GLB1: variants seen among roughly 807,000 people sequenced by gnomAD.
GLB1 encodes beta-galactosidase.
GLB1 carries 56 observed loss-of-function variants against 74.0 expected under a neutral mutation model. The observed-to-expected ratio is 0.76, with a 90% confidence interval of 0.61 to 0.94. GLB1 has a LOEUF of 0.94. Ranked by LOEUF, GLB1 falls within the 40% of genes least tolerant of loss-of-function variation. The probability of loss-of-function intolerance (pLI) is 0.00; values close to 1 mark genes in which losing one functional copy is unlikely to be tolerated. For synonymous variants in GLB1, 323 were observed against 323.6 expected (o/e 1.00, Z 0.02); for missense variants, 787 against 845.5 (o/e 0.93, Z 0.86).
intron 5 of GLB1, among the ~76,000 whole-genome samples, chr3:33,060,023 G>A (rs1699380625): frequency 6.6e-6 from 1 of 152,130 alleles, no homozygotes; most frequent in Non-Finnish European, 1.5e-5. Context: ...ACTTGGGAAG[G>A]GAATGGGTAG....
At chr3:33,046,036 C>A (rs888002438) in intron 10 of GLB1, 84 bp downstream of exon 10, 13 of 1,507,308 alleles carry the variant, frequency 8.6e-6, no homozygotes, top group Non-Finnish European at 1.2e-5. Context: ...GGGCTCCAGG[C>A]AGGAAGTTGT....
At chr3:33,066,010 C>A (rs1376256663) in intron 4 of GLB1, among the ~76,000 whole-genome samples, 1 of 150,152 alleles carries the variant, frequency 6.7e-6, no homozygotes, top group African/African-American at 2.4e-5. Context: ...TACAAAGAGA[C>A]ACCAGTGCAG....
the GLB1 span, among the ~76,000 whole-genome samples, chr3:32,980,726 AGCCAAGATCAT>A: frequency 6.6e-6 from 1 of 152,088 alleles, no homozygotes; most frequent in African/African-American, 2.4e-5. Flanking sequence ...GGTTGCAGTG[AGCCAAGATCAT>A]GCCACTGCAC....
chr3:33,077,497 G>T, intron 1 of GLB1: 1 of 724,632 alleles, frequency 1.4e-6, no homozygotes, highest in South Asian at 1.7e-5. Context: ...ACTAAAAAGG[G>T]AACCTCCCAC....
At chr3:32,969,023 GC>G in the GLB1 span, among the ~76,000 whole-genome samples, 1 of 152,204 alleles carries the variant, frequency 6.6e-6, no homozygotes, top group African/African-American at 2.4e-5. Context: ...GTCCCAGGAG[GC>G]CCCCTTCATT....
At chr3:32,975,732 A>T in the GLB1 span, among the ~76,000 whole-genome samples, 1 of 152,128 alleles carries the variant, frequency 6.6e-6, no homozygotes, top group Non-Finnish European at 1.5e-5. Context: ...AACAGTGAAC[A>T]AGATCAACAA....
the GLB1 span, among the ~76,000 whole-genome samples, chr3:32,978,196 C>T: frequency 6.6e-6 from 1 of 152,142 alleles, no homozygotes; most frequent in Non-Finnish European, 1.5e-5. Flanking sequence ...ACTGTCTTAA[C>T]GTCCACAGTT....
intron 5 of GLB1, 43 bp from the exon 6 acceptor site, chr3:33,058,312 T>C (rs768841137): frequency 5.6e-6 from 9 of 1,612,338 alleles, no homozygotes; most frequent in South Asian, 1.1e-5. Context: ...GAGATCCTAA[T>C]GTAGCCACCC....
intron 11 of GLB1, among the ~76,000 whole-genome samples, chr3:33,023,380 A>C (rs1159708102): frequency 6.6e-6 from 1 of 152,212 alleles, no homozygotes; most frequent in African/African-American, 2.4e-5. Flanking sequence ...TCTTTGTAGA[A>C]TGTAGCACAG....
chr3:32,973,271 C>T, the GLB1 span, among the ~76,000 whole-genome samples: 67 of 152,242 alleles, frequency 4.4e-4, no homozygotes, highest in African/African-American at 1.5e-3. Context: ...TGGAAATTCT[C>T]TATCTTATTG....
chr3:33,081,392 T>C (rs945140859), intron 1 of GLB1, among the ~76,000 whole-genome samples: 5 of 152,164 alleles, frequency 3.3e-5, no homozygotes, highest in Non-Finnish European at 7.4e-5. Flanking sequence ...CCTTGGAACC[T>C]AGACATGACG....
At chr3:33,033,902 GA>G in intron 10 of GLB1, 1 of 537,042 alleles carries the variant, frequency 1.9e-6, no homozygotes, top group Non-Finnish European at 3.8e-6. Context: ...CTCCCATAAG[GA>G]TATGATTTAT....
At chr3:32,963,214 G>A in the GLB1 span, among the ~76,000 whole-genome samples, 3 of 152,042 alleles carry the variant, frequency 2.0e-5, no homozygotes, top group South Asian at 4.1e-4. Flanking sequence ...TCAGAAGTGG[G>A]CCAAATGTAT....
At chr3:33,096,814 G>A (rs1339783742) in intron 1 of GLB1, 197 bp downstream of exon 1, 4 of 1,361,404 alleles carry the variant, frequency 2.9e-6, no homozygotes, top group South Asian at 1.8e-5. Flanking sequence ...CTGGAAGGAC[G>A]CGCGCCCCGC....
intron 1 of GLB1, chr3:33,092,851 G>C (rs769729960): frequency 6.2e-7 from 1 of 1,607,058 alleles, no homozygotes; most frequent in South Asian, 1.1e-5. Context: ...GACCGCTGCA[G>C]GATGAGCTCT....
At chr3:33,033,222 T>C (rs1698128935) in intron 10 of GLB1, among the ~76,000 whole-genome samples, 1 of 152,192 alleles carries the variant, frequency 6.6e-6, no homozygotes, top group Non-Finnish European at 1.5e-5. Context: ...TTGAAATGTA[T>C]GGGGCCAGAA....
rs1239573469 is a variant in GLB1, at chr3:33,074,369, GAAGGAAGGAAGGAAGGAAGGAAGA to G, written c.76-1680_76-1657del. Among the ~76,000 whole-genome samples, 17 of 6,538 alleles carry G rather than the reference GAAGGAAGGAAGGAAGGAAGGAAGA, an allele frequency of 2.6e-3. 1 individual carries two copies. The highest frequency in any genetic ancestry group is 8.1e-3 in the Non-Finnish European group (13 of 1,598). 4.3% of individuals were successfully genotyped at this position (6,538 alleles called of 152,430 possible). A position where few individuals can be genotyped will look rare whatever the true frequency, so the allele number is the denominator to read the frequency against. On this transcript the variant is annotated intron_variant, in intron 1 of 15. Transcript: ENST00000307363. ...GGAAGGAAGGAAGGAAGGAAGGAAG[GAAGGAAGGAAGGAAGGAAGGAAGA>G]AAGAAAGAAAGAAAGAATATTACAC... is the stretch of plus-strand genomic sequence containing the variant.
chr3:33,093,433 G>C lies in GLB1; in HGVS notation c.75+3578C>G. 1 of 1,614,168 alleles carries C rather than the reference G, an allele frequency of 6.2e-7. No individual in the cohort carries two copies. The highest frequency in any genetic ancestry group is 8.5e-7 in the Non-Finnish European group (1 of 1,180,032). On this transcript the variant is annotated intron_variant, in intron 1 of 15. Transcript: ENST00000307363. This position sits in a 1 kb window ranked among gnomAD's most constrained non-coding sequence, Gnocchi z 6.0. ...CCCAGAGGAGCGACAGCCGTCCGCA[G>C]GACCGAGGCTTCTGAGTCGGAGAGG...
the GLB1 span, among the ~76,000 whole-genome samples, chr3:32,987,838 G>A: frequency 6.6e-6 from 1 of 152,080 alleles, no homozygotes; most frequent in East Asian, 1.9e-4. Flanking sequence ...AGAGATGCAG[G>A]CTACAAGCAT....
Sources: gnomAD v4.1 joint callset for allele counts (sites outside exome capture counted in the v4.1 genomes callset) on GRCh38, gnomAD v4.1.1 for gene constraint, Gnocchi (gnomAD v3.1) non-coding constraint, MANE v1.5 for transcripts, NCBI Gene and HGNC (gene_info 2026-07-23, HGNC 2026-07-21) for gene names.